The following SPATA1 variants were observed in gnomAD, a reference collection of about 807,000 sequenced individuals.
SPATA1 encodes spermatogenesis-associated protein 1.
SPATA1 carries 57 observed loss-of-function variants against 59.6 expected under a neutral mutation model. That is an observed-to-expected ratio of 0.96 (90% confidence interval 0.77 to 1.19). SPATA1 has a LOEUF of 1.19. Ranked by LOEUF, SPATA1 falls within the 50% of genes most tolerant of loss-of-function variation. SPATA1 has a pLI of 0.00. For synonymous variants in SPATA1, 147 were observed against 163.9 expected (o/e 0.90, Z 0.79); for missense variants, 448 against 480.7 (o/e 0.93, Z 0.64).
downstream of SPATA1, among the ~76,000 whole-genome samples, chr1:84,566,958 C>G (rs1684712343): frequency 6.6e-6 from 1 of 152,142 alleles, no homozygotes; most frequent in Non-Finnish European, 1.5e-5. Context: ...AGTGAGCCAG[C>G]CTTCAACAAG....
At chr1:84,517,051 C>T (rs1358317374) in intron 2 of SPATA1, among the ~76,000 whole-genome samples, 3 of 152,136 alleles carry the variant, frequency 2.0e-5, no homozygotes, top group Admixed American at 6.5e-5. Flanking sequence ...CATTATTCCA[C>T]CAAAACTATT....
At chr1:84,555,081 A>G, downstream of SPATA1, 1 of 1,614,100 alleles carries the variant, frequency 6.2e-7, no homozygotes. Flanking sequence ...AGAGTAGTCA[A>G]GACAGTTTGC....
At chr1:84,553,484 AT>A (rs1411257511) in exon 13 of SPATA1, 1 of 152,264 alleles carries the variant, frequency 6.6e-6, no homozygotes. Flanking sequence ...ATACTAATAT[AT>A]TTGCATGAAA....
intron 4 of SPATA1, among the ~76,000 whole-genome samples, chr1:84,563,101 T>C (rs536897003): frequency 8.7e-4 from 133 of 152,222 alleles, no homozygotes; most frequent in Admixed American, 2.3e-3. Context: ...AAGTTCCTGA[T>C]TACAGATTCA....
rs1381501177 is a variant in SPATA1, at chr1:84,533,700, T to C, written c.660-9T>C. 21 of 1,554,422 alleles carry C rather than the reference T, an allele frequency of 1.4e-5. No homozygotes were observed. The highest frequency in any genetic ancestry group is 1.4e-5 in the Non-Finnish European group (16 of 1,146,050). On this transcript the variant is annotated splice_polypyrimidine_tract_variant and intron_variant, in intron 7 of 12. Coordinates refer to ENST00000490879, the Ensembl canonical transcript of SPATA1. ...TTTAATGACTTTCAAACCTGTCATT[T>C]CCTTTAAGTCAGTGTCTTTGGGAAA...
At chr1:84,549,032 G>A (rs1415334793) in intron 11 of SPATA1, 68 bp downstream of exon 11, 2 of 1,371,058 alleles carry the variant, frequency 1.5e-6, no homozygotes, top group Non-Finnish European at 1.9e-6. Flanking sequence ...ATAAGTGCTA[G>A]TAGTATCACA....
At position 84,544,250 on chromosome 1, in the gene SPATA1, TG is replaced by T. The variant is rs1191194555; in HGVS notation, c.767del (p.Cys256PhefsTer9). On this transcript the variant is annotated frameshift_variant, in exon 9 of 13. Transcript: ENST00000490879. LOFTEE classifies it high-confidence loss of function. ...CCTACCAGATCACCCTTCACTTCCTTGTCAACCTGTTCTTTCTTCAGGAATA... is the reference window on the plus strand; with the variant it reads ...CCTACCAGATCACCCTTCACTTCCTTTCAACCTGTTCTTTCTTCAGGAATA... The T allele has an allele frequency of 4.4e-6, 7 of 1,599,208 alleles. No homozygotes were observed. The highest frequency in any genetic ancestry group is 6.0e-6 in the Non-Finnish European group (7 of 1,172,074).
At chr1:84,546,766 TC>T (rs1237924049) in intron 10 of SPATA1, among the ~76,000 whole-genome samples, 1 of 152,130 alleles carries the variant, frequency 6.6e-6, no homozygotes, top group African/African-American at 2.4e-5. Context: ...CTACTTTGAG[TC>T]CCTTGGTCTC....
chr1:84,563,155 C>T lies in SPATA1; in HGVS notation n.443-2706C>T, dbSNP rs148737201. 299 of 817,990 alleles carry T rather than the reference C, an allele frequency of 3.7e-4. 1 individual carries two copies. The African/African-American group carries it at 4.9e-3, about 13-fold the overall frequency. 50.7% of individuals were successfully genotyped at this position (817,990 alleles called of 1,614,324 possible). A position where few individuals can be genotyped will look rare whatever the true frequency, so the allele number is the denominator to read the frequency against. ...TAAATAGCAGTCTGCATGTTATGCCCTAAAAGAAAACTGATAGAAATTCTT... is the reference window on the plus strand; with the variant it reads ...TAAATAGCAGTCTGCATGTTATGCCTTAAAAGAAAACTGATAGAAATTCTT... On this transcript the variant is annotated intron_variant and non_coding_transcript_variant, in intron 4 of 4. Transcript: ENST00000460286.
intron 6 of SPATA1, among the ~76,000 whole-genome samples, chr1:84,528,020 C>G (rs939316631): frequency 6.6e-6 from 1 of 152,194 alleles, no homozygotes; most frequent in Non-Finnish European, 1.5e-5. Flanking sequence ...CGTGAGCCAC[C>G]GCTCCAGGCC....
intron 6 of SPATA1, among the ~76,000 whole-genome samples, chr1:84,528,079 T>C (rs577421343): frequency 5.5e-4 from 84 of 152,322 alleles, no homozygotes; most frequent in African/African-American, 1.9e-3. Flanking sequence ...CCTATTATTA[T>C]TTTTAGAAAT....
At chr1:84,520,309 C>T (rs1263158722) in intron 2 of SPATA1, 1 of 294,770 alleles carries the variant, frequency 3.4e-6, no homozygotes, top group African/African-American at 2.2e-5. Context: ...ATTCTTACTG[C>T]AGGCCACAGA....
At chr1:84,541,414 T>C (rs1473060921) in intron 8 of SPATA1, among the ~76,000 whole-genome samples, 1 of 152,168 alleles carries the variant, frequency 6.6e-6, no homozygotes, top group Non-Finnish European at 1.5e-5. Context: ...ACTCTTTTCA[T>C]TATGTTTCAC....
At chr1:84,521,309 T>C (rs1360613559) in intron 3 of SPATA1, among the ~76,000 whole-genome samples, 1 of 152,220 alleles carries the variant, frequency 6.6e-6, no homozygotes, top group East Asian at 1.9e-4. Flanking sequence ...TGTTTATATG[T>C]ATGTAGATGT....
rs140076594 is a variant in SPATA1, at chr1:84,507,914, G to C, written c.-138+1496G>C. Among the ~76,000 whole-genome samples, 9 of 152,224 alleles carry C rather than the reference G, an allele frequency of 5.9e-5. 1 individual carries two copies. In the East Asian group the frequency reaches 1.7e-3, roughly 29 times the overall value. On this transcript the variant is annotated intron_variant, in intron 1 of 12. Coordinates refer to ENST00000490879, the Ensembl canonical transcript of SPATA1. ...CTGCATTGGGAAACCACAGACTGGA[G>C]TGCTGTCTCAAACACCAGGTGTTAT...
In SPATA1 at chr1:84,560,606, A is replaced by T. The variant is rs542714263; in HGVS notation, n.442+4627A>T. ...TTCAAATAAATCTTATATTGGAAGA[A>T]GATGATGCCATTTAAGACTTTGCTA... On this transcript the variant is annotated intron_variant and non_coding_transcript_variant, in intron 4 of 4. Coordinates refer to the SPATA1 transcript ENST00000460286. Among the ~76,000 whole-genome samples the T allele has an allele frequency of 1.0e-3, 153 of 152,376 alleles. 1 individual carries two copies. Among genetic ancestry groups the T allele is most frequent in the Non-Finnish European group, 2.0e-3 (134 of 68,034 alleles).
intron 10 of SPATA1, 25 bp from the exon 11 acceptor site, chr1:84,548,750 CTTTTTTTTTTT>C (rs56250726): frequency 1.7e-5 from 16 of 915,384 alleles, no homozygotes; most frequent in Middle Eastern, 3.3e-4. Context: ...AAGGCCTTTC[CTTTTTTTTTTT>C]TTTTTTTTTT....
At chr1:84,536,830 G>A (rs1480074401) in intron 8 of SPATA1, among the ~76,000 whole-genome samples, 1 of 151,246 alleles carries the variant, frequency 6.6e-6, no homozygotes. Flanking sequence ...TGGCTGTTTT[G>A]TGTCACATGG....
chr1:84,527,406 G>A (rs1238647178), intron 6 of SPATA1, among the ~76,000 whole-genome samples: 4 of 151,938 alleles, frequency 2.6e-5, no homozygotes, highest in Non-Finnish European at 5.9e-5. Context: ...GTATTAGGAA[G>A]AAAATAAGTA....
Sources: allele counts gnomAD v4.1 joint callset (sites outside exome capture counted in the v4.1 genomes callset), GRCh38; gene constraint gnomAD v4.1.1; transcripts MANE v1.5; gene names NCBI Gene and HGNC (gene_info 2026-07-23, HGNC 2026-07-21).